UBE3B: variants seen among roughly 807,000 people sequenced by gnomAD.
The protein encoded by UBE3B is ubiquitin protein ligase E3B.
UBE3B carries 80 observed loss-of-function variants against 132.3 expected under a neutral mutation model. That is an observed-to-expected ratio of 0.60 (90% CI 0.50 to 0.73). The LOEUF is 0.73. Among genes scored for constraint, UBE3B ranks in the 30% least tolerant of loss-of-function variants. The pLI, the probability that UBE3B is intolerant of heterozygous loss-of-function variation, is 0.00. For synonymous variants in UBE3B, 487 were observed against 520.4 expected (o/e 0.94, Z 0.87); for missense variants, 1,196 against 1,362.5 (o/e 0.88, Z 1.92).
downstream of UBE3B, among the ~76,000 whole-genome samples, chr12:109,537,289 C>T (rs551684416): frequency 3.3e-5 from 5 of 152,324 alleles, no homozygotes; most frequent in South Asian, 4.1e-4. Flanking sequence ...CCACAGGACA[C>T]GCAGCCGTTC....
intron 26 of UBE3B, among the ~76,000 whole-genome samples, chr12:109,532,133 C>G (rs910665424): frequency 1.2e-4 from 19 of 152,326 alleles, no homozygotes; most frequent in African/African-American, 4.3e-4. Context: ...CTCCTTTCAC[C>G]CACCTGAATT....
chr12:109,478,732 G>C (rs547903506), intron 1 of UBE3B, among the ~76,000 whole-genome samples: 1 of 152,364 alleles, frequency 6.6e-6, no homozygotes. Flanking sequence ...AGTGAGCAGA[G>C]TTCGCGCCGC....
chr12:109,510,378 G>T lies in UBE3B; in HGVS notation c.1776G>T (p.Gln592His). 1 of 1,612,230 alleles carries T rather than the reference G, an allele frequency of 6.2e-7. No individual in the cohort carries two copies. The highest frequency in any genetic ancestry group is 8.5e-7 in the Non-Finnish European group (1 of 1,179,304). Residue 592 changes from glutamine to histidine, a missense_variant, in exon 17 of 28, where the codon CAG (glutamine) becomes CAT (histidine). By Grantham distance (24) the Gln-to-His change is conservative. Transcript: ENST00000342494. ...NAKGETLELF[Q>H]SVHGWLMVLY... The stretch of plus-strand genomic sequence containing the variant: ...AGGGTGAGACCTTGGAGCTGTTCCA[G>T]TCTGTCCACGGGTGGCTTATGGTGC...
intron 19 of UBE3B, among the ~76,000 whole-genome samples, chr12:109,518,927 T>A (rs1329223600): frequency 6.6e-6 from 1 of 152,190 alleles, no homozygotes; most frequent in Non-Finnish European, 1.5e-5. Context: ...GGGCCTTTGC[T>A]GGATTTGGAC....
Position 109,483,515 on chromosome 12 carries a change from C to G in UBE3B, c.-21-16C>G. On this transcript the variant is annotated splice_polypyrimidine_tract_variant and intron_variant, in intron 2 of 27. Transcript: ENST00000342494. ...CACAACAATCTACAACACCCACTTG[C>G]CCATTTTCCTTGCAGGGTTTGTGCA... The G allele has an allele frequency of 6.5e-7, 1 of 1,528,536 alleles. No individual in the cohort carries two copies. Among genetic ancestry groups the G allele is most frequent in the Non-Finnish European group, 8.8e-7 (1 of 1,140,812 alleles). The allele number at this position is 1,528,536 out of a possible 1,614,324, so 94.7% of individuals were successfully genotyped here.
rs778589223 is a variant in UBE3B at position 109,534,688 on chromosome 12, A to T, written c.3113A>T (p.Asn1038Ile). The T allele has an allele frequency of 6.2e-7, 1 of 1,610,080 alleles. No homozygotes were observed. Among genetic ancestry groups the T allele is most frequent in the South Asian group, 1.1e-5 (1 of 90,596 alleles). ...GRLPTSSTCF[N>I]LLKLPNYSKK... ...CTGCCCACCTCCTCCACCTGCTTCA[A>T]CCTGCTCAAGCTGCCCAACTACAGC... Residue 1038 changes from asparagine (N) to isoleucine (I), a missense_variant, in exon 28 of 28, where the codon AAC (asparagine) becomes ATC (isoleucine). Asn to Ile is a moderately radical substitution (Grantham distance 149, BLOSUM62 -3). Coordinates refer to ENST00000342494, the MANE Select transcript of UBE3B (RefSeq NM_130466.4). This position sits in a 1 kb window ranked among gnomAD's most constrained non-coding sequence, Gnocchi z 5.2.
At chr12:109,480,484 C>T (rs1200393107) in intron 1 of UBE3B, among the ~76,000 whole-genome samples, 1 of 152,034 alleles carries the variant, frequency 6.6e-6, no homozygotes, top group Non-Finnish European at 1.5e-5. Context: ...GACCCCACCT[C>T]TACAAAAAAT....
intron 15 of UBE3B, among the ~76,000 whole-genome samples, chr12:109,508,230 C>T (rs1200147652): frequency 6.6e-6 from 1 of 152,192 alleles, no homozygotes; most frequent in Non-Finnish European, 1.5e-5. Context: ...ATAATTATTG[C>T]AAAGTGCTTA....
At position 109,522,751 on chromosome 12, in the gene UBE3B, T is replaced by C. The variant is rs1288886207; in HGVS notation, c.2364+1200T>C. ...CCATGATGGAATCAGGTGGCCCATC[T>C]GAGCCCCTGCCCAAACACCATCCAG... On this transcript the variant is annotated intron_variant, in intron 21 of 27. Coordinates refer to ENST00000342494, the MANE Select transcript of UBE3B (RefSeq NM_130466.4). This position sits in a 1 kb window ranked among gnomAD's most constrained non-coding sequence, Gnocchi z 4.2. 6.6e-6 allele frequency among the ~76,000 whole-genome samples: 1 copy of C among 152,212 alleles called. No individual in the cohort carries two copies. The highest frequency in any genetic ancestry group is 1.9e-4 in the East Asian group (1 of 5,194).
chr12:109,523,736 G>A (rs1240278147), intron 21 of UBE3B, among the ~76,000 whole-genome samples: 1 of 152,222 alleles, frequency 6.6e-6, no homozygotes, highest in East Asian at 1.9e-4. Flanking sequence ...AGCCCAGCTA[G>A]GATTTAATCC....
In UBE3B at chr12:109,521,032, A is replaced by G; in HGVS notation, c.2077-116A>G. 5.7e-6 allele frequency: 7 copies of G among 1,232,824 alleles called. No individual in the cohort carries two copies. The highest frequency in any genetic ancestry group is 7.9e-6 in the Non-Finnish European group (7 of 882,818). 76.4% of individuals were successfully genotyped at this position (1,232,824 alleles called of 1,614,324 possible). A position where few individuals can be genotyped will look rare whatever the true frequency, so the allele number is the denominator to read the frequency against. On this transcript the variant is annotated intron_variant, in intron 19 of 27. Transcript: ENST00000342494. The surrounding 1 kb of genome is among the most constrained non-coding windows in gnomAD (Gnocchi z 4.2). ...GGCTCCTGTCATGCATCCACGTTTC[A>G]TAATTTGCACATTTGGTAATGATGC...
chr12:109,510,311 C>G (rs1237397054), intron 16 of UBE3B, 33 bp from the exon 17 acceptor site: 1 of 1,549,430 alleles, frequency 6.5e-7, no homozygotes, highest in Admixed American at 1.9e-5. Flanking sequence ...GCTCTGACTC[C>G]TCCTCTGACT....
intron 24 of UBE3B, among the ~76,000 whole-genome samples, chr12:109,529,214 T>C (rs1882701088): frequency 6.6e-6 from 1 of 152,176 alleles, no homozygotes; most frequent in Non-Finnish European, 1.5e-5. Context: ...GCAAGCCTGT[T>C]GGAATGTATG....
At position 109,511,210 on chromosome 12, in the gene UBE3B, C is replaced by G; in HGVS notation, c.1863C>G (p.Leu621=). 6.2e-7 allele frequency: 1 copy of G among 1,614,064 alleles called. No individual in the cohort carries two copies. The highest frequency in any genetic ancestry group is 8.5e-7 in the Non-Finnish European group (1 of 1,179,952). Residue 621 remains leucine, a synonymous_variant, in exon 18 of 28, where the codon CTC becomes CTG. Transcript: ENST00000342494. Reference sequence around the variant, plus strand: ...CCATGTCTTTCTTCTCAAGGGATCTCAAACCTAGCGTGCTCTTCCAAGAAC... The same window carrying G: ...CCATGTCTTTCTTCTCAAGGGATCTGAAACCTAGCGTGCTCTTCCAAGAAC... ...TPEDHWLRKD[L]KPSVLFQELD... is the part of the protein sequence containing the mutation.
chr12:109,490,106 AC>A, intron 8 of UBE3B, 102 bp downstream of exon 8: 1 of 1,199,330 alleles, frequency 8.3e-7, no homozygotes, highest in Non-Finnish European at 1.2e-6. Flanking sequence ...CTCCTCAGAA[AC>A]ACTTTTCATA....
the UBE3B span, among the ~76,000 whole-genome samples, chr12:109,545,292 G>A: frequency 6.6e-6 from 1 of 152,226 alleles, no homozygotes. Flanking sequence ...GACTGCCAGG[G>A]AGTTCAGACT....
In UBE3B at chr12:109,499,623, C is replaced by T. The variant is rs781484866; in HGVS notation, c.941-10C>T. 3.8e-6 allele frequency: 6 copies of T among 1,578,706 alleles called. No individual in the cohort carries two copies. Among genetic ancestry groups the T allele is most frequent in the Non-Finnish European group, 5.2e-6 (6 of 1,160,940 alleles). On this transcript the variant is annotated splice_polypyrimidine_tract_variant and intron_variant, in intron 11 of 27. Coordinates refer to ENST00000342494, the MANE Select transcript of UBE3B (RefSeq NM_130466.4). The stretch of plus-strand genomic sequence containing the variant: ...CTGGGCCCATCACACTCAGCCTTCT[C>T]TCTCTGTAGGCAACCTCCTACACTT...
At chr12:109,526,865 C>T (rs1365241421) in intron 24 of UBE3B, among the ~76,000 whole-genome samples, 11 of 110,412 alleles carry the variant, frequency 1.0e-4, no homozygotes, top group South Asian at 5.0e-4. Flanking sequence ...AGTGAGACTC[C>T]GTCTCAAAAA....
At chr12:109,523,453 G>T (rs1336100156) in intron 21 of UBE3B, among the ~76,000 whole-genome samples, 1 of 152,130 alleles carries the variant, frequency 6.6e-6, no homozygotes, top group African/African-American at 2.4e-5. Context: ...CATTGCTTCC[G>T]TGCCCTCCAT....
Sources: gnomAD v4.1 joint callset for allele counts (sites outside exome capture counted in the v4.1 genomes callset) on GRCh38, gnomAD v4.1.1 for gene constraint, Gnocchi (gnomAD v3.1) non-coding constraint, MANE v1.5 for transcripts, NCBI Gene and HGNC (gene_info 2026-07-23, HGNC 2026-07-21) for gene names.